The following ROBO1 variants were observed in gnomAD, a reference collection of about 807,000 sequenced individuals.
ROBO1 encodes roundabout homolog 1.
ROBO1 carries 149 observed loss-of-function variants against 195.9 expected under a neutral mutation model. That is an observed-to-expected ratio of 0.76 (90% confidence interval 0.67 to 0.87). The LOEUF is 0.87. Among genes scored for constraint, ROBO1 ranks in the 40% least tolerant of loss-of-function variants. The pLI is 0.00. For synonymous variants in ROBO1, 816 were observed against 733.2 expected (o/e 1.11, Z -1.82); for missense variants, 1,933 against 2,068.3 (o/e 0.93, Z 1.27).
chr3:79,112,413 T>C (rs2079903027), intron 3 of ROBO1, among the ~76,000 whole-genome samples: 4 of 152,076 alleles, frequency 2.6e-5, no homozygotes. Context: ...GTCCTTGATT[T>C]CAGGAGGGAT....
chr3:79,727,828 CA>C (rs1369275807), intron 1 of ROBO1, among the ~76,000 whole-genome samples: 1 of 152,146 alleles, frequency 6.6e-6, no homozygotes, highest in Non-Finnish European at 1.5e-5. Context: ...GTCCCTCTTA[CA>C]AAGAGGACAA....
chr3:78,964,999 G>A (rs1188902588), intron 3 of ROBO1, among the ~76,000 whole-genome samples: 1 of 151,702 alleles, frequency 6.6e-6, no homozygotes. Context: ...AAAAAATATT[G>A]TCAATTTAAG....
intron 2 of ROBO1, among the ~76,000 whole-genome samples, chr3:79,144,310 C>A (rs181214006): frequency 6.6e-6 from 1 of 152,052 alleles, no homozygotes; most frequent in Non-Finnish European, 1.5e-5. Context: ...TTAAAAGCCA[C>A]ACATATATTC....
At chr3:78,775,864 T>C (rs2083490564) in intron 4 of ROBO1, among the ~76,000 whole-genome samples, 1 of 152,206 alleles carries the variant, frequency 6.6e-6, no homozygotes, top group Non-Finnish European at 1.5e-5. Flanking sequence ...CTAAGGTCTA[T>C]GGACAGACTC....
intron 5 of ROBO1, among the ~76,000 whole-genome samples, chr3:78,720,787 C>A (rs577324206): frequency 7.2e-4 from 109 of 152,274 alleles, no homozygotes; most frequent in African/African-American, 2.5e-3. Flanking sequence ...AGTTCATGTC[C>A]TTTGTAGGGA....
chr3:78,981,646 G>A lies in ROBO1; in HGVS notation c.173-42719C>T, dbSNP rs1016045128. Among the ~76,000 whole-genome samples the A allele has an allele frequency of 2.6e-5, 4 of 152,058 alleles. No homozygotes were observed. In the South Asian group the frequency reaches 8.3e-4, roughly 31 times the overall value. ...ACCCTTAAAGTAGTACCAGGGCTCAGAGAACAATACCCGAAGTATAGCACT... is the reference window on the plus strand; with the variant it reads ...ACCCTTAAAGTAGTACCAGGGCTCAAAGAACAATACCCGAAGTATAGCACT... On this transcript the variant is annotated intron_variant, in intron 3 of 30. Transcript: ENST00000464233.
chr3:78,898,354 T>C (rs1325209533), intron 4 of ROBO1, among the ~76,000 whole-genome samples: 17 of 148,376 alleles, frequency 1.1e-4, no homozygotes, highest in African/African-American at 4.0e-4. Flanking sequence ...CAGATATATA[T>C]ATAGACAGAT....
chr3:79,690,606 T>A (rs1947270989), intron 1 of ROBO1, among the ~76,000 whole-genome samples: 1 of 152,010 alleles, frequency 6.6e-6, no homozygotes, highest in Non-Finnish European at 1.5e-5. Flanking sequence ...CTTAAGTTGT[T>A]AAATTAGTTA....
chr3:78,973,731 A>G (rs896252411), intron 3 of ROBO1, among the ~76,000 whole-genome samples: 17 of 151,660 alleles, frequency 1.1e-4, no homozygotes, highest in Non-Finnish European at 2.4e-4. Flanking sequence ...AGAACTGAGG[A>G]AGTAATGTTA....
chr3:79,008,578 T>C (rs1450862163), intron 3 of ROBO1, among the ~76,000 whole-genome samples: 1 of 151,454 alleles, frequency 6.6e-6, no homozygotes, highest in South Asian at 2.1e-4. Flanking sequence ...TATATACATA[T>C]ATATATTTAT....
At chr3:79,685,933 A>C (rs1330590635) in intron 1 of ROBO1, among the ~76,000 whole-genome samples, 1 of 152,332 alleles carries the variant, frequency 6.6e-6, no homozygotes, top group Non-Finnish European at 1.5e-5. Flanking sequence ...AGAGAATTTT[A>C]GACCAATATC....
At chr3:78,998,574 A>C (rs533886029) in intron 3 of ROBO1, among the ~76,000 whole-genome samples, 2 of 152,304 alleles carry the variant, frequency 1.3e-5, no homozygotes, top group South Asian at 4.1e-4. Context: ...TCTTGTAAAC[A>C]TAATTGTTCT....
At chr3:79,543,083 C>G (rs1942137047) in intron 2 of ROBO1, among the ~76,000 whole-genome samples, 1 of 151,944 alleles carries the variant, frequency 6.6e-6, no homozygotes, top group Non-Finnish European at 1.5e-5. Context: ...TGAATAATGT[C>G]TGACTTTCTT....
chr3:79,162,208 G>T (rs530746927), intron 2 of ROBO1, among the ~76,000 whole-genome samples: 59 of 152,166 alleles, frequency 3.9e-4, no homozygotes, highest in Middle Eastern at 3.4e-3. Flanking sequence ...ATTTGTCAGG[G>T]CTTGAGATGC....
intron 2 of ROBO1, among the ~76,000 whole-genome samples, chr3:79,141,860 C>T (rs1231345165): frequency 1.3e-5 from 2 of 152,108 alleles, no homozygotes; most frequent in African/African-American, 4.8e-5. Flanking sequence ...TACACACATA[C>T]TACATATACA....
At chr3:79,338,845 C>T (rs1559828996) in intron 2 of ROBO1, among the ~76,000 whole-genome samples, 1 of 152,144 alleles carries the variant, frequency 6.6e-6, no homozygotes, top group Non-Finnish European at 1.5e-5. Flanking sequence ...ACCTGAACTC[C>T]ACTCAGATAT....
At chr3:79,323,695 G>A (rs200404207) in intron 2 of ROBO1, among the ~76,000 whole-genome samples, 1 of 152,056 alleles carries the variant, frequency 6.6e-6, no homozygotes, top group African/African-American at 2.4e-5. Flanking sequence ...CGTATCTTTC[G>A]ATATCATATA....
At chr3:79,066,943 C>G (rs2079012826) in intron 3 of ROBO1, among the ~76,000 whole-genome samples, 1 of 151,836 alleles carries the variant, frequency 6.6e-6, no homozygotes, top group African/African-American at 2.4e-5. Flanking sequence ...GTAAGCGGTA[C>G]AGGAGCAGTA....
At chr3:78,943,600 G>A (rs987758845) in intron 3 of ROBO1, among the ~76,000 whole-genome samples, 12 of 152,188 alleles carry the variant, frequency 7.9e-5, no homozygotes, top group African/African-American at 2.7e-4. Flanking sequence ...TGATTAGTCT[G>A]CTAAGGCATA....
Sources: allele counts gnomAD v4.1 joint callset (sites outside exome capture counted in the v4.1 genomes callset), GRCh38; gene constraint gnomAD v4.1.1; transcripts MANE v1.5; gene names NCBI Gene and HGNC (gene_info 2026-07-23, HGNC 2026-07-21).